Variants in CYP26B1 observed in about 807,000 individuals in gnomAD.
The protein encoded by CYP26B1 is cytochrome P450 26B1.
CYP26B1 carries 8 observed loss-of-function variants against 39.1 expected under a neutral mutation model. That is an observed-to-expected ratio of 0.20 (90% CI 0.12 to 0.37). The LOEUF (loss-of-function observed/expected upper bound fraction) is 0.37, where lower values mean the gene tolerates loss of function less well. Among genes scored for constraint, CYP26B1 ranks in the 10% least tolerant of loss-of-function variants. CYP26B1 has a pLI of 1.00. For synonymous variants in CYP26B1, 321 were observed against 314.3 expected (o/e 1.02, Z -0.23); for missense variants, 615 against 707.0 (o/e 0.87, Z 1.48).
At chr2:72,137,357 G>A (rs1389273281) in intron 2 of CYP26B1, among the ~76,000 whole-genome samples, 1 of 152,222 alleles carries the variant, frequency 6.6e-6, no homozygotes, top group East Asian at 1.9e-4. Context: ...TTCCTCATCT[G>A]TAAAACAGTG....
chr2:72,144,233 G>T lies in CYP26B1; in HGVS notation c.205-20C>A. On this transcript the variant is annotated intron_variant, in intron 1 of 5. Coordinates refer to ENST00000001146, the MANE Select transcript of CYP26B1 (RefSeq NM_019885.4). ...AGAACCCTGCGGGAGCCACACCCGG[G>T]TCTCTCTCAGGGTGCACTTCTGCAG... 6.3e-7 allele frequency: 1 copy of T among 1,575,236 alleles called. No homozygotes were observed. Among genetic ancestry groups the T allele is most frequent in the Non-Finnish European group, 8.7e-7 (1 of 1,154,760 alleles).
In CYP26B1 at chr2:72,134,240, G is replaced by A. The variant is rs191922330; in HGVS notation, c.861+521C>T. On this transcript the variant is annotated intron_variant, in intron 4 of 5. Coordinates refer to ENST00000001146, the MANE Select transcript of CYP26B1 (RefSeq NM_019885.4). ...GGGGATGGGCGAGTGAGCCCTCCTC[G>A]GGTGAAACATCCGCCTAAAGCAGGG... 3.3e-3 allele frequency among the ~76,000 whole-genome samples: 506 copies of A among 151,382 alleles called. 6 individuals carry two copies. The highest frequency in any genetic ancestry group is 0.012 in the African/African-American group (476 of 41,368).
intron 1 of CYP26B1, among the ~76,000 whole-genome samples, chr2:72,145,308 C>T (rs1463346682): frequency 2.0e-5 from 3 of 152,210 alleles, no homozygotes; most frequent in Non-Finnish European, 2.9e-5. Flanking sequence ...GCCAGTACAG[C>T]CGAAAAGTGA....
In CYP26B1 at chr2:72,141,796, A is replaced by C. The variant is rs551114998; in HGVS notation, c.429+2193T>G. Among the ~76,000 whole-genome samples the C allele has an allele frequency of 5.3e-5, 8 of 152,368 alleles. 1 individual carries two copies. In the East Asian group the frequency reaches 1.5e-3, roughly 29 times the overall value. On this transcript the variant is annotated intron_variant, in intron 2 of 5. Coordinates refer to ENST00000001146, the MANE Select transcript of CYP26B1 (RefSeq NM_019885.4). ...TAGTTCCAGGACTTTCATGGAGTTC[A>C]GTAAACTGAAATCATCAGTTAGGGA...
chr2:72,137,427 G>A (rs1386724972), intron 2 of CYP26B1, among the ~76,000 whole-genome samples: 1 of 152,194 alleles, frequency 6.6e-6, no homozygotes, highest in Non-Finnish European at 1.5e-5. Context: ...GCACCCACCT[G>A]CCCCTAAGCA....
At chr2:72,134,952 C>A (rs528546313) in intron 3 of CYP26B1, 36 bp from the exon 4 acceptor site, 176 of 1,611,354 alleles carry the variant, frequency 1.1e-4, no homozygotes, top group Non-Finnish European at 1.4e-4. Context: ...TATGGAAGGG[C>A]AGGCTCCCAT....
intron 2 of CYP26B1, 129 bp from the exon 3 acceptor site, chr2:72,135,548 A>G: frequency 1.4e-6 from 2 of 1,384,372 alleles, no homozygotes; most frequent in Non-Finnish European, 2.0e-6. Flanking sequence ...AAGCCTTGGG[A>G]GCTGGGCAGG....
chr2:72,140,102 C>T (rs980218643), intron 2 of CYP26B1, among the ~76,000 whole-genome samples: 2 of 152,246 alleles, frequency 1.3e-5, no homozygotes, highest in African/African-American at 4.8e-5. Flanking sequence ...CCAAGGCCAC[C>T]TTCATCTTCC....
In CYP26B1 at chr2:72,132,190, C is replaced by G. The variant is rs556645871; in HGVS notation, c.*37G>C. On this transcript the variant is annotated 3_prime_UTR_variant, in exon 6 of 6. Coordinates refer to ENST00000001146, the MANE Select transcript of CYP26B1 (RefSeq NM_019885.4). ...TTTCTACCTCCCACAACCACCACCC[C>G]GCTGCCTGGGCTGGGCTGAGGCGGG... 3 of 1,580,758 alleles carry G rather than the reference C, an allele frequency of 1.9e-6. No individual in the cohort carries two copies. Among genetic ancestry groups the G allele is most frequent in the Non-Finnish European group, 2.6e-6 (3 of 1,164,166 alleles).
chr2:72,138,214 G>A (rs1676833526), intron 2 of CYP26B1, among the ~76,000 whole-genome samples: 1 of 152,156 alleles, frequency 6.6e-6, no homozygotes, highest in Admixed American at 6.5e-5. Flanking sequence ...GGCCTCCCAG[G>A]CCCTGGGAAG....
chr2:72,146,673 TC>T, intron 1 of CYP26B1, among the ~76,000 whole-genome samples: 1 of 152,150 alleles, frequency 6.6e-6, no homozygotes, highest in Non-Finnish European at 1.5e-5. Context: ...CATCCCTGCT[TC>T]CCCTAACAGA....
Position 72,129,846 on chromosome 2 carries a change from A to G in CYP26B1, c.*2381T>C, listed in dbSNP as rs1188818576. ...CTAGCTGTATGAAACACACACGCACACGCACAGACACGGGCATCTCACTAG... is the reference window on the plus strand; with the variant it reads ...CTAGCTGTATGAAACACACACGCACGCGCACAGACACGGGCATCTCACTAG... On this transcript the variant is annotated 3_prime_UTR_variant, in exon 6 of 6. Transcript: ENST00000001146. 6.6e-6 allele frequency: 1 copy of G among 152,226 alleles called. No individual in the cohort carries two copies. The highest frequency in any genetic ancestry group is 1.5e-5 in the Non-Finnish European group (1 of 68,038). 9.4% of individuals were successfully genotyped at this position (152,226 alleles called of 1,614,324 possible). A position where few individuals can be genotyped will look rare whatever the true frequency, so the allele number is the denominator to read the frequency against.
chr2:72,140,214 C>T (rs1428195621), intron 2 of CYP26B1, among the ~76,000 whole-genome samples: 3 of 152,216 alleles, frequency 2.0e-5, no homozygotes, highest in Non-Finnish European at 2.9e-5. Context: ...AGGGCTGGCC[C>T]CTGAATCCAG....
In CYP26B1 at chr2:72,134,929, G is replaced by C. The variant is rs746942517; in HGVS notation, c.706-13C>G. 2.5e-6 allele frequency: 4 copies of C among 1,613,128 alleles called. No individual in the cohort carries two copies. In the East Asian group the frequency reaches 8.9e-5, roughly 36 times the overall value. On this transcript the variant is annotated splice_polypyrimidine_tract_variant and intron_variant, in intron 3 of 5. Coordinates refer to ENST00000001146, the MANE Select transcript of CYP26B1 (RefSeq NM_019885.4). Reference sequence around the variant, plus strand: ...GAGCCTGAATGCCCTGCAGAGGTGAGGGCTGTCACTCATATGGAAGGGCAG... The same window carrying C: ...GAGCCTGAATGCCCTGCAGAGGTGACGGCTGTCACTCATATGGAAGGGCAG...
intron 4 of CYP26B1, 33 bp from the exon 5 acceptor site, chr2:72,133,340 G>A (rs1219547438): frequency 3.1e-6 from 5 of 1,590,418 alleles, no homozygotes; most frequent in African/African-American, 2.7e-5. Flanking sequence ...GTTGTTGGAG[G>A]TGTGGGTTCA....
Position 72,131,827 on chromosome 2 carries a change from GC to G in CYP26B1, c.*399del, listed in dbSNP as rs1676587796. On this transcript the variant is annotated 3_prime_UTR_variant, in exon 6 of 6. Transcript: ENST00000001146. Reference sequence around the variant, plus strand: ...AGGAGGAGGAGACGCTGAAGAGTGCGCCCAAGGGGGCACGGCTCTTCCCGTC... The same window carrying G: ...AGGAGGAGGAGACGCTGAAGAGTGCGCCAAGGGGGCACGGCTCTTCCCGTC... 2 of 206,740 alleles carry G rather than the reference GC, an allele frequency of 9.7e-6. No individual in the cohort carries two copies. The highest frequency in any genetic ancestry group is 4.7e-5 in the African/African-American group (2 of 42,964). 12.8% of individuals were successfully genotyped at this position (206,740 alleles called of 1,614,324 possible).
chr2:72,132,732 T>TA (rs1334987495), intron 5 of CYP26B1, 113 bp from the exon 6 acceptor site: 3 of 1,492,894 alleles, frequency 2.0e-6, no homozygotes, highest in Middle Eastern at 1.8e-4. Context: ...TGCCTTTTCT[T>TA]AGAGACACCC....
chr2:72,135,384 C>T lies in CYP26B1; in HGVS notation c.465G>A (p.Glu155=). ...CCAGCTGGATCTTGGGCAGGTAACT[C>T]TCCAGGGCCTCGTGGCTGAAGATCT... ...FSKIFSHEAL[E]SYLPKIQLVI... is the part of the protein sequence containing the mutation. The change falls in exon 3 of 6, where the codon GAG becomes GAA. Residue 155 remains glutamate, a synonymous_variant. Coordinates refer to ENST00000001146, the MANE Select transcript of CYP26B1 (RefSeq NM_019885.4). The T allele has an allele frequency of 6.2e-7, 1 of 1,613,282 alleles. No individual in the cohort carries two copies. The highest frequency in any genetic ancestry group is 8.5e-7 in the Non-Finnish European group (1 of 1,180,026).
chr2:72,147,340 G>A lies in CYP26B1; in HGVS notation c.204+291C>T, dbSNP rs901065065. 6.6e-6 allele frequency among the ~76,000 whole-genome samples: 1 copy of A among 152,116 alleles called. No individual in the cohort carries two copies. The highest frequency in any genetic ancestry group is 2.4e-5 in the African/African-American group (1 of 41,430). On this transcript the variant is annotated intron_variant, in intron 1 of 5. Coordinates refer to ENST00000001146, the MANE Select transcript of CYP26B1 (RefSeq NM_019885.4). The surrounding 1 kb of genome is among the most constrained non-coding windows in gnomAD (Gnocchi z 6.1). ...GCTAGGCGCCCCCGGGGCGCTCCAC[G>A]CCCCCTGCCAGGCCAGCCGCGACCC...
Sources: allele counts gnomAD v4.1 joint callset (sites outside exome capture counted in the v4.1 genomes callset), GRCh38; gene constraint gnomAD v4.1.1; non-coding constraint Gnocchi (gnomAD v3.1); transcripts MANE v1.5; gene names NCBI Gene and HGNC (gene_info 2026-07-23, HGNC 2026-07-21).